The following EPHB1 variants were observed in gnomAD, a reference collection of about 807,000 sequenced individuals.
EPHB1 encodes EPH receptor B1.
EPHB1 carries 30 observed loss-of-function variants against 94.4 expected under a neutral mutation model. That is an observed-to-expected ratio of 0.32 (90% CI 0.24 to 0.43). The LOEUF (loss-of-function observed/expected upper bound fraction) is 0.43, where lower values mean the gene tolerates loss of function less well. EPHB1 is among the 20% of genes least tolerant of loss of function. The pLI is 1.00. For synonymous variants in EPHB1, 522 were observed against 489.1 expected, an observed-to-expected ratio of 1.07 and a Z score of -0.89; for missense variants, 1,055 against 1,308.3, an observed-to-expected ratio of 0.81 and a Z score of 2.99.
At chr3:134,864,776 T>A (rs2108305180) in intron 1 of EPHB1, among the ~76,000 whole-genome samples, 1 of 152,348 alleles carries the variant, frequency 6.6e-6, no homozygotes. Flanking sequence ...GGTTTGTTTC[T>A]TCAGTGGAGC....
chr3:134,884,904 G>A (rs1245234034), intron 1 of EPHB1, among the ~76,000 whole-genome samples: 5 of 152,232 alleles, frequency 3.3e-5, no homozygotes, highest in Non-Finnish European at 5.9e-5. Context: ...GAGTGTGTAT[G>A]TACATACAGG....
intron 1 of EPHB1, among the ~76,000 whole-genome samples, chr3:134,876,918 G>A (rs2037628072): frequency 6.6e-6 from 1 of 152,122 alleles, no homozygotes; most frequent in South Asian, 2.1e-4. Context: ...CACATGCCTT[G>A]GTGCTGTAGG....
chr3:135,109,138 G>A (rs1939341285), intron 4 of EPHB1, among the ~76,000 whole-genome samples: 1 of 152,172 alleles, frequency 6.6e-6, no homozygotes, highest in Admixed American at 6.6e-5. Context: ...TGCTCCCTGA[G>A]GCACTGCCCA....
chr3:135,050,991 T>G (rs1325588981), intron 3 of EPHB1, among the ~76,000 whole-genome samples: 1 of 151,894 alleles, frequency 6.6e-6, no homozygotes, highest in Admixed American at 6.6e-5. Context: ...GAAAGGAGAA[T>G]AGCTCCTTCT....
chr3:134,968,398 G>A (rs1459678999), intron 3 of EPHB1, among the ~76,000 whole-genome samples: 2 of 152,122 alleles, frequency 1.3e-5, no homozygotes, highest in African/African-American at 4.8e-5. Context: ...TATCAAGAAG[G>A]CTTAGACAAC....
chr3:135,143,465 T>C (rs1490529868), intron 5 of EPHB1, among the ~76,000 whole-genome samples: 2 of 151,998 alleles, frequency 1.3e-5, no homozygotes, highest in African/African-American at 2.4e-5. Context: ...TCCAGCTGCA[T>C]TAGGGGTTTG....
chr3:135,152,891 C>T (rs1337739433), intron 5 of EPHB1, among the ~76,000 whole-genome samples: 2 of 152,164 alleles, frequency 1.3e-5, no homozygotes, highest in African/African-American at 4.8e-5. Context: ...TTCACAGCCA[C>T]CACAAGGTCT....
At chr3:134,936,843 A>G (rs2039013390) in intron 2 of EPHB1, among the ~76,000 whole-genome samples, 1 of 152,174 alleles carries the variant, frequency 6.6e-6, no homozygotes, top group Non-Finnish European at 1.5e-5. Flanking sequence ...TTAGGTGCAA[A>G]CAGTTCATTA....
chr3:135,128,394 C>T (rs754612171), intron 4 of EPHB1, among the ~76,000 whole-genome samples: 31 of 152,196 alleles, frequency 2.0e-4, no homozygotes, highest in South Asian at 6.2e-4. Context: ...TTTATGCAGA[C>T]GCCAAATCTA....
At position 135,237,910 on chromosome 3, in the gene EPHB1, G is replaced by A. The variant is rs116677232; in HGVS notation, c.2347-3238G>A. Among the ~76,000 whole-genome samples, 266 of 152,290 alleles carry A rather than the reference G, an allele frequency of 1.7e-3. 1 individual carries two copies. The highest frequency in any genetic ancestry group is 6.2e-3 in the African/African-American group (257 of 41,572). On this transcript the variant is annotated intron_variant, in intron 12 of 15. Transcript: ENST00000398015. Reference sequence around the variant, plus strand: ...TCATGCAGCAGCAGCAGGACCGCCTGGCTGGCAGAACCCTGCCTGCTGCAG... The same window carrying A: ...TCATGCAGCAGCAGCAGGACCGCCTAGCTGGCAGAACCCTGCCTGCTGCAG...
chr3:135,228,213 A>T (rs560315671), intron 12 of EPHB1, among the ~76,000 whole-genome samples: 1 of 152,198 alleles, frequency 6.6e-6, no homozygotes, highest in Non-Finnish European at 1.5e-5. Flanking sequence ...AATCAGGAAA[A>T]TTTTCACAAT....
chr3:134,818,617 C>G (rs2036316338), intron 1 of EPHB1, among the ~76,000 whole-genome samples: 1 of 152,210 alleles, frequency 6.6e-6, no homozygotes, highest in African/African-American at 2.4e-5. Context: ...TCCCACGTAT[C>G]AGTTTCCATT....
At chr3:135,157,856 GA>G (rs1262686608) in intron 6 of EPHB1, among the ~76,000 whole-genome samples, 2 of 151,918 alleles carry the variant, frequency 1.3e-5, no homozygotes, top group Admixed American at 1.3e-4. Flanking sequence ...ATCCTTAAAG[GA>G]AAAAAAGTGT....
chr3:135,166,861 G>T, intron 8 of EPHB1, 81 bp from the exon 9 acceptor site: 1 of 1,490,606 alleles, frequency 6.7e-7, no homozygotes, highest in South Asian at 1.2e-5. Flanking sequence ...CCCCTATCTG[G>T]CCTGGGGCCT....
At chr3:134,834,028 GGGT>G (rs1474551588) in intron 1 of EPHB1, among the ~76,000 whole-genome samples, 1 of 152,148 alleles carries the variant, frequency 6.6e-6, no homozygotes, top group Non-Finnish European at 1.5e-5. Flanking sequence ...CCTGACACTT[GGGT>G]GGTGGAGGGG....
At chr3:134,899,789 T>G (rs142496876) in intron 1 of EPHB1, among the ~76,000 whole-genome samples, 1 of 152,174 alleles carries the variant, frequency 6.6e-6, no homozygotes, top group Non-Finnish European at 1.5e-5. Flanking sequence ...ATCCTCCTGC[T>G]TCAGCCTCCC....
chr3:135,141,893 C>T (rs998436424), intron 5 of EPHB1, among the ~76,000 whole-genome samples: 2 of 152,118 alleles, frequency 1.3e-5, no homozygotes, highest in Non-Finnish European at 2.9e-5. Context: ...GCTTAATAAG[C>T]AGTGTTCCTT....
chr3:135,021,338 A>G (rs1218759692), intron 3 of EPHB1, among the ~76,000 whole-genome samples: 1 of 151,896 alleles, frequency 6.6e-6, no homozygotes, highest in Non-Finnish European at 1.5e-5. Flanking sequence ...TATGTTTCAT[A>G]TTGTCAAATC....
chr3:134,846,432 A>G lies in EPHB1; in HGVS notation c.58+50743A>G, dbSNP rs575832573. On this transcript the variant is annotated intron_variant, in intron 1 of 15. Coordinates refer to ENST00000398015, the MANE Select transcript of EPHB1 (RefSeq NM_004441.5). ...CTTTGCGATACCTTCCAAGCCTTGC[A>G]TTATTCCCTCCACGCACATCAGCAA... 6.6e-5 allele frequency among the ~76,000 whole-genome samples: 10 copies of G among 152,306 alleles called. No individual in the cohort carries two copies. The South Asian group carries it at 1.7e-3, about 25-fold the overall frequency.
Sources: gnomAD v4.1 joint callset for allele counts (sites outside exome capture counted in the v4.1 genomes callset) on GRCh38, gnomAD v4.1.1 for gene constraint, MANE v1.5 for transcripts, NCBI Gene and HGNC (gene_info 2026-07-23, HGNC 2026-07-21) for gene names.